The following CYGB variants were observed in gnomAD, a reference collection of about 807,000 sequenced individuals.
CYGB encodes histoglobin.
A neutral mutation model predicts 20.7 loss-of-function variants in CYGB; 13 were observed. That is an observed-to-expected ratio of 0.63 (90% CI 0.41 to 1.00). CYGB has a LOEUF of 1.00. CYGB is among the 50% of genes least tolerant of loss of function. The pLI is 0.00. For missense variants in CYGB, 218 were observed against 257.2 expected, an observed-to-expected ratio of 0.85 and a Z score of 1.04; for synonymous variants, 93 against 107.4, an observed-to-expected ratio of 0.87 and a Z score of 0.83.
chr17:76,531,014 T>C lies in CYGB; in HGVS notation c.504A>G (p.Glu168=). 6.2e-7 allele frequency: 1 copy of C among 1,612,602 alleles called. No individual in the cohort carries two copies. Among genetic ancestry groups the C allele is most frequent in the Non-Finnish European group, 8.5e-7 (1 of 1,179,508 alleles). Residue 168 remains glutamate (E), a synonymous_variant, in exon 3 of 4, where the codon GAA becomes GAG. Transcript: ENST00000293230. This position sits in a 1 kb window ranked among gnomAD's most constrained non-coding sequence, Gnocchi z 7.4. Reference sequence around the variant, plus strand: ...TGGGGACCTGCTGCACCCAGCCCACTTCCTTGTAGGCAGCGGTCACGTGGC... The same window carrying C: ...TGGGGACCTGCTGCACCCAGCCCACCTCCTTGTAGGCAGCGGTCACGTGGC... The part of the protein sequence containing the change: ...IYSHVTAAYK[E]VGWVQQVPNA...
upstream of CYGB, chr17:76,540,584 A>AG: frequency 6.2e-7 from 1 of 1,612,496 alleles, no homozygotes; most frequent in Non-Finnish European, 8.5e-7. This position sits in a 1 kb window ranked among gnomAD's most constrained non-coding sequence, Gnocchi z 5.0. Context: ...GTAAGGCAGG[A>AG]GTCTGGGCTG....
In CYGB at chr17:76,527,964, C is replaced by T; in HGVS notation, c.*614G>A. 5.4e-6 allele frequency: 2 copies of T among 373,654 alleles called. No individual in the cohort carries two copies. Among genetic ancestry groups the T allele is most frequent in the Non-Finnish European group, 1.1e-5 (2 of 185,466 alleles). The allele number at this position is 373,654 out of a possible 1,614,324, so 23.1% of individuals were successfully genotyped here. On this transcript the variant is annotated 3_prime_UTR_variant, in exon 4 of 4. Transcript: ENST00000293230. Reference sequence around the variant, plus strand: ...CCAAGCCGGGTTGCCCCAGCCCTGCCCCTCCAGGCCCAGGTCCTCTGCGCT... The same window carrying T: ...CCAAGCCGGGTTGCCCCAGCCCTGCTCCTCCAGGCCCAGGTCCTCTGCGCT...
chr17:76,534,683 A>C (rs1045137755), intron 1 of CYGB, among the ~76,000 whole-genome samples: 3 of 152,198 alleles, frequency 2.0e-5, no homozygotes, highest in African/African-American at 4.8e-5. Flanking sequence ...TGGCAGTGCC[A>C]GGAAGGGGCC....
Position 76,544,127 on chromosome 17 carries a change from C to T in CYGB, c.-53+6735G>A, listed in dbSNP as rs965177016. 1.4e-4 allele frequency: 64 copies of T among 454,620 alleles called. No individual in the cohort carries two copies. Among genetic ancestry groups the T allele is most frequent in the African/African-American group, 1.3e-3 (64 of 50,120 alleles). The allele number at this position is 454,620 out of a possible 1,614,324, so 28.2% of individuals were successfully genotyped here. Reference sequence around the variant, plus strand: ...TAAAAGCAGATTTCCGCTTCTGCTCCCAGATCCAGGAGCAGACCCTGCAGG... The same window carrying T: ...TAAAAGCAGATTTCCGCTTCTGCTCTCAGATCCAGGAGCAGACCCTGCAGG... On this transcript the variant is annotated intron_variant, in intron 1 of 3. Transcript: ENST00000589145.
intron 1 of CYGB, chr17:76,550,668 T>C (rs1159080072): frequency 6.6e-6 from 1 of 152,260 alleles, no homozygotes; most frequent in African/African-American, 2.4e-5. Context: ...TGTAAATGGT[T>C]ATACTGTATT....
upstream of CYGB, chr17:76,538,445 T>G: frequency 2.2e-6 from 1 of 464,926 alleles, no homozygotes; most frequent in Non-Finnish European, 4.5e-6. Flanking sequence ...CTCCATGCCC[T>G]CGGTGCACGA....
chr17:76,537,225 C>A (rs2143120477), intron 1 of CYGB, among the ~76,000 whole-genome samples, 175 bp downstream of exon 1: 1 of 152,294 alleles, frequency 6.6e-6, no homozygotes, highest in African/African-American at 2.4e-5. Flanking sequence ...GAAGGCTCAA[C>A]CCAGGCTTCG....
chr17:76,546,473 C>T lies in CYGB; in HGVS notation c.-53+4389G>A, dbSNP rs866565666. The T allele has an allele frequency of 2.3e-4, 34 of 150,400 alleles. No individual in the cohort carries two copies. Among genetic ancestry groups the T allele is most frequent in the African/African-American group, 5.9e-4 (24 of 40,374 alleles). 9.3% of individuals were successfully genotyped at this position (150,400 alleles called of 1,614,324 possible). On this transcript the variant is annotated intron_variant, in intron 1 of 3. Coordinates refer to the CYGB transcript ENST00000589145. This position sits in a 1 kb window ranked among gnomAD's most constrained non-coding sequence, Gnocchi z 4.5. ...GTTTGTGTGTGTGTGTGTGTGTGTG[C>T]GCGCAGTCCTGGGCAAGGGCAAACA...
At position 76,543,198 on chromosome 17, in the gene CYGB, A is replaced by T. The variant is rs1049396821; in HGVS notation, c.-53+7664T>A. On this transcript the variant is annotated intron_variant, in intron 1 of 3. Transcript: ENST00000589145. Reference sequence around the variant, plus strand: ...CCCTGGGTGTGGGCTCCTGAGCAGGACCTGGCTGGGCCTGGCAGAAAGAGC... The same window carrying T: ...CCCTGGGTGTGGGCTCCTGAGCAGGTCCTGGCTGGGCCTGGCAGAAAGAGC... 2.3e-5 allele frequency: 10 copies of T among 426,896 alleles called. No individual in the cohort carries two copies. The East Asian group carries it at 7.1e-4, about 30-fold the overall frequency. 26.4% of individuals were successfully genotyped at this position (426,896 alleles called of 1,614,324 possible).
chr17:76,541,327 G>A (rs1370265271), upstream of CYGB, among the ~76,000 whole-genome samples: 4 of 152,164 alleles, frequency 2.6e-5, no homozygotes, highest in Admixed American at 2.0e-4. Context: ...TGACTTTTTT[G>A]CTCCCAGTGA....
chr17:76,548,973 GAC>G (rs1369936427), intron 1 of CYGB, among the ~76,000 whole-genome samples: 1 of 152,172 alleles, frequency 6.6e-6, no homozygotes, highest in Non-Finnish European at 1.5e-5. Flanking sequence ...GTGAGGAGGA[GAC>G]AGAATCAGAG....
rs2074838884 is a variant in CYGB, at chr17:76,531,326, G to A, written c.375+134C>T. ...ACCCAGCCCCTCCATCCTGCTGCCGGGCACTGCCCCTCCCTCTCGCAGCCA... is the reference window on the plus strand; with the variant it reads ...ACCCAGCCCCTCCATCCTGCTGCCGAGCACTGCCCCTCCCTCTCGCAGCCA... On this transcript the variant is annotated intron_variant, in intron 2 of 3. Coordinates refer to ENST00000293230, the MANE Select transcript of CYGB (RefSeq NM_134268.5). This position sits in a 1 kb window ranked among gnomAD's most constrained non-coding sequence, Gnocchi z 7.4. 3 of 1,250,234 alleles carry A rather than the reference G, an allele frequency of 2.4e-6. No homozygotes were observed. The highest frequency in any genetic ancestry group is 3.3e-6 in the Non-Finnish European group (3 of 902,226). 77.4% of individuals were successfully genotyped at this position (1,250,234 alleles called of 1,614,324 possible).
rs778134406 is a variant in CYGB at position 76,531,713 on chromosome 17, G to A, written c.144-22C>T. On this transcript the variant is annotated intron_variant, in intron 1 of 3. Coordinates refer to ENST00000293230, the MANE Select transcript of CYGB (RefSeq NM_134268.5). This position sits in a 1 kb window ranked among gnomAD's most constrained non-coding sequence, Gnocchi z 7.4. The stretch of plus-strand genomic sequence containing the variant: ...GAACCTGGCAAGAGGAACAGGGGTG[G>A]TCGCTGAAGCTGGAGGCTGCCTCGG... 13 of 1,567,394 alleles carry A rather than the reference G, an allele frequency of 8.3e-6. No homozygotes were observed. The highest frequency in any genetic ancestry group is 1.1e-5 in the Non-Finnish European group (13 of 1,148,364).
intron 1 of CYGB, chr17:76,543,963 G>A (rs770885735): frequency 2.1e-6 from 1 of 466,660 alleles, no homozygotes; most frequent in Middle Eastern, 4.8e-4. Context: ...GTTCCAAACG[G>A]GCAGTAGCGT....
intron 1 of CYGB, among the ~76,000 whole-genome samples, chr17:76,534,696 G>C (rs2074895786): frequency 6.6e-6 from 1 of 152,160 alleles, no homozygotes; most frequent in African/African-American, 2.4e-5. Context: ...AAGGGGCCCA[G>C]GCAGGCCCGC....
In CYGB at chr17:76,533,942, G is replaced by T. The variant is rs1356314391; in HGVS notation, c.144-2251C>A. ...GCTACTTGGGAGGCTGCAGCAGGAA[G>T]ATCCGATCGCATCACGAGCCCAGGA... On this transcript the variant is annotated intron_variant, in intron 1 of 3. Coordinates refer to ENST00000293230, the MANE Select transcript of CYGB (RefSeq NM_134268.5). The surrounding 1 kb of genome is among the most constrained non-coding windows in gnomAD (Gnocchi z 4.5). 6.6e-6 allele frequency among the ~76,000 whole-genome samples: 1 copy of T among 152,064 alleles called. No homozygotes were observed. The highest frequency in any genetic ancestry group is 1.5e-5 in the Non-Finnish European group (1 of 68,030).
Position 76,529,052 on chromosome 17 carries a change from C to G in CYGB, c.540-441G>C, listed in dbSNP as rs1039719384. ...CCCCCTGCAGTCATTGCGCCCCCCCCCCACCCCCCACCCACGCAAAGGCGC... is the reference window on the plus strand; with the variant it reads ...CCCCCTGCAGTCATTGCGCCCCCCCGCCACCCCCCACCCACGCAAAGGCGC... On this transcript the variant is annotated intron_variant, in intron 3 of 3. Coordinates refer to ENST00000293230, the MANE Select transcript of CYGB (RefSeq NM_134268.5). 54 of 459,822 alleles carry G rather than the reference C, an allele frequency of 1.2e-4. No individual in the cohort carries two copies. The East Asian group carries it at 1.5e-3, about 13-fold the overall frequency. 28.5% of individuals were successfully genotyped at this position (459,822 alleles called of 1,614,324 possible).
rs1320187971 is a variant in CYGB, at chr17:76,546,811, A to G, written c.-53+4051T>C. On this transcript the variant is annotated intron_variant, in intron 1 of 3. Transcript: ENST00000589145. The surrounding 1 kb of genome is among the most constrained non-coding windows in gnomAD (Gnocchi z 4.5). ...GGCACTGTGCCAGCTGCTGTATTTT[A>G]CGCACTGTTTCATTTATGCGGCAGG... The G allele has an allele frequency of 2.0e-5, 3 of 152,190 alleles. No homozygotes were observed. Among genetic ancestry groups the G allele is most frequent in the African/African-American group, 7.2e-5 (3 of 41,432 alleles). 9.4% of individuals were successfully genotyped at this position (152,190 alleles called of 1,614,324 possible). A position where few individuals can be genotyped will look rare whatever the true frequency, so the allele number is the denominator to read the frequency against.
At chr17:76,544,924 AGGT>A in intron 1 of CYGB, 1 of 456,632 alleles carries the variant, frequency 2.2e-6, no homozygotes, top group Non-Finnish European at 4.4e-6. Flanking sequence ...CCTGCGCAGG[AGGT>A]GGTGGCTGCT....
Sources: allele counts gnomAD v4.1 joint callset (sites outside exome capture counted in the v4.1 genomes callset), GRCh38; gene constraint gnomAD v4.1.1; non-coding constraint Gnocchi (gnomAD v3.1); transcripts MANE v1.5; gene names NCBI Gene and HGNC (gene_info 2026-07-23, HGNC 2026-07-21).